The following PHYHIPL variants were observed in gnomAD, a reference collection of about 807,000 sequenced individuals.
PHYHIPL encodes phytanoyl-CoA 2-hydroxylase interacting protein like.
Under a neutral mutation model 33.4 loss-of-function variants are expected in PHYHIPL, and 9 were observed. The ratio of observed to expected loss-of-function variants is 0.27; its 90% CI spans 0.16 to 0.47. PHYHIPL has a LOEUF of 0.47. PHYHIPL is among the 20% of genes least tolerant of loss of function. The probability of loss-of-function intolerance (pLI) is 0.99; values close to 1 mark genes in which losing one functional copy is unlikely to be tolerated. For missense variants in PHYHIPL, 365 were observed against 460.7 expected, an observed-to-expected ratio of 0.79 and a Z score of 1.90; for synonymous variants, 153 against 154.1, an observed-to-expected ratio of 0.99 and a Z score of 0.05.
chr10:59,235,322 T>C lies in PHYHIPL; in HGVS notation c.303+822T>C, dbSNP rs143303309. On this transcript the variant is annotated intron_variant, in intron 2 of 4. Coordinates refer to ENST00000373880, the MANE Select transcript of PHYHIPL (RefSeq NM_032439.4). The stretch of plus-strand genomic sequence containing the variant: ...CATATCATATATCTTTTCTGATATA[T>C]CTCTCTTTCCAGAAGTATCTATAGA... Among the ~76,000 whole-genome samples, 509 of 152,028 alleles carry C rather than the reference T, an allele frequency of 3.3e-3. 6 individuals are homozygous for C. Among genetic ancestry groups the C allele is most frequent in the African/African-American group, 8.6e-3 (356 of 41,544 alleles).
chr10:59,177,256 C>G, intron 1 of PHYHIPL: 1 of 597,010 alleles, frequency 1.7e-6, no homozygotes, highest in Non-Finnish European at 2.8e-6. Flanking sequence ...GGCTCCTGCC[C>G]CGACGAGGCG....
intron 1 of PHYHIPL, among the ~76,000 whole-genome samples, chr10:59,229,439 C>T (rs935343809): frequency 2.0e-5 from 3 of 151,812 alleles, no homozygotes; most frequent in South Asian, 2.1e-4. Flanking sequence ...TGTTTAAAAT[C>T]GACTTTTTAA....
At chr10:59,213,844 G>C (rs559081364) in intron 1 of PHYHIPL, among the ~76,000 whole-genome samples, 1 of 152,136 alleles carries the variant, frequency 6.6e-6, no homozygotes, top group Non-Finnish European at 1.5e-5. Context: ...AGCTAGATTG[G>C]GAAGAAAACA....
chr10:59,184,714 T>A (rs892635856), intron 1 of PHYHIPL, among the ~76,000 whole-genome samples: 1 of 151,868 alleles, frequency 6.6e-6, no homozygotes, highest in East Asian at 1.9e-4. Flanking sequence ...TTGTTACATA[T>A]GTATACATGT....
chr10:59,200,237 A>T (rs563691341), intron 1 of PHYHIPL, among the ~76,000 whole-genome samples: 1 of 152,162 alleles, frequency 6.6e-6, no homozygotes, highest in African/African-American at 2.4e-5. Context: ...TCCCATCAAT[A>T]TCTAATATAT....
rs997887069 is a variant in PHYHIPL at position 59,181,155 on chromosome 10, A to G, written c.106+4196A>G. 3.3e-5 allele frequency among the ~76,000 whole-genome samples: 5 copies of G among 152,318 alleles called. No homozygotes were observed. In the East Asian group the frequency reaches 5.8e-4, roughly 18 times the overall value. On this transcript the variant is annotated intron_variant, in intron 1 of 4. Transcript: ENST00000373880. ...TTTAAATAAGTAAAGCATTACTTTCATAGAATTTACCAGTGTTGATATTAA... is the reference window on the plus strand; with the variant it reads ...TTTAAATAAGTAAAGCATTACTTTCGTAGAATTTACCAGTGTTGATATTAA...
chr10:59,231,759 C>T (rs1276588663), intron 1 of PHYHIPL, among the ~76,000 whole-genome samples: 1 of 152,030 alleles, frequency 6.6e-6, no homozygotes, highest in Non-Finnish European at 1.5e-5. Context: ...TACCTTTAAT[C>T]CCTGATAGTA....
At chr10:59,243,537 T>G (rs1456746831) in intron 4 of PHYHIPL, among the ~76,000 whole-genome samples, 1 of 152,078 alleles carries the variant, frequency 6.6e-6, no homozygotes, top group Non-Finnish European at 1.5e-5. Context: ...CTGTGACAAT[T>G]TTTTGGTCTT....
chr10:59,242,199 T>C (rs1027054557), intron 4 of PHYHIPL, among the ~76,000 whole-genome samples: 1 of 152,154 alleles, frequency 6.6e-6, no homozygotes, highest in Non-Finnish European at 1.5e-5. Flanking sequence ...CTTGCCCTCA[T>C]AGTGTGTGAA....
At chr10:59,231,451 A>G (rs561803489) in intron 1 of PHYHIPL, among the ~76,000 whole-genome samples, 2 of 152,272 alleles carry the variant, frequency 1.3e-5, no homozygotes, top group South Asian at 4.1e-4. Context: ...CCATCCTGAT[A>G]ACCAGACAAG....
chr10:59,183,711 G>C, intron 1 of PHYHIPL: 1 of 981,210 alleles, frequency 1.0e-6, no homozygotes, highest in Non-Finnish European at 1.2e-6. Context: ...TGGAATTGTC[G>C]TTAGTTTTGT....
chr10:59,184,799 CT>C (rs1375484305), intron 1 of PHYHIPL, among the ~76,000 whole-genome samples: 2 of 151,230 alleles, frequency 1.3e-5, no homozygotes, highest in African/African-American at 4.9e-5. Flanking sequence ...CCCTCCCCCC[CT>C]CCCCCAACCC....
At chr10:59,188,171 G>T (rs898019416) in intron 1 of PHYHIPL, among the ~76,000 whole-genome samples, 2 of 152,208 alleles carry the variant, frequency 1.3e-5, no homozygotes, top group East Asian at 1.9e-4. Context: ...TTGTGTCTTT[G>T]TTCTCATTGG....
At chr10:59,185,889 C>T (rs535048446) in intron 1 of PHYHIPL, among the ~76,000 whole-genome samples, 24 of 152,128 alleles carry the variant, frequency 1.6e-4, no homozygotes, top group African/African-American at 3.6e-4. Context: ...GAGTAGATTG[C>T]GAAAATTTTC....
chr10:59,185,868 C>T (rs1166628870), intron 1 of PHYHIPL, among the ~76,000 whole-genome samples: 2 of 152,036 alleles, frequency 1.3e-5, no homozygotes, highest in Non-Finnish European at 1.5e-5. Flanking sequence ...GATATTAGCC[C>T]TTTGTCAGAT....
chr10:59,177,547 T>C lies in PHYHIPL; in HGVS notation c.106+588T>C, dbSNP rs1057480321. 4 of 1,551,580 alleles carry C rather than the reference T, an allele frequency of 2.6e-6. No homozygotes were observed. The African/African-American group carries it at 5.5e-5, about 21-fold the overall frequency. ...CCAAGGACAGACACAATCTTCATGG[T>C]TCCTGGGCTCTGAGTCAGACTGTCG... On this transcript the variant is annotated intron_variant, in intron 1 of 4. Coordinates refer to ENST00000373880, the MANE Select transcript of PHYHIPL (RefSeq NM_032439.4).
At chr10:59,224,384 G>A (rs1839860136) in intron 1 of PHYHIPL, among the ~76,000 whole-genome samples, 1 of 152,038 alleles carries the variant, frequency 6.6e-6, no homozygotes, top group Non-Finnish European at 1.5e-5. Flanking sequence ...TGAGCCTGGA[G>A]GTTGAGGCTG....
Position 59,187,097 on chromosome 10 carries a change from G to A in PHYHIPL, c.106+10138G>A, listed in dbSNP as rs1177201148. Among the ~76,000 whole-genome samples, 5 of 152,104 alleles carry A rather than the reference G, an allele frequency of 3.3e-5. No individual in the cohort carries two copies. In the East Asian group the frequency reaches 9.6e-4, roughly 29 times the overall value. On this transcript the variant is annotated intron_variant, in intron 1 of 4. Transcript: ENST00000373880. ...TCCATTCAGTATGATATTGGCTGTG[G>A]GTTTGTCATAGATAGCTCTTATTAT... is the stretch of plus-strand genomic sequence containing the variant.
At chr10:59,231,751 C>A (rs370940292) in intron 1 of PHYHIPL, among the ~76,000 whole-genome samples, 1 of 152,130 alleles carries the variant, frequency 6.6e-6, no homozygotes. Context: ...TATACCTATA[C>A]CTTTAATCCC....
Sources: gnomAD v4.1 joint callset for allele counts (sites outside exome capture counted in the v4.1 genomes callset) on GRCh38, gnomAD v4.1.1 for gene constraint, MANE v1.5 for transcripts, NCBI Gene and HGNC (gene_info 2026-07-23, HGNC 2026-07-21) for gene names.